The following VSNL1 variants were observed in gnomAD, a reference collection of about 807,000 sequenced individuals.
VSNL1 encodes visinin-like protein 1.
A neutral mutation model predicts 20.4 loss-of-function variants in VSNL1; 6 were observed. That is an observed-to-expected ratio of 0.29 (90% CI 0.16 to 0.58). The LOEUF is 0.58. Ranked by LOEUF, VSNL1 falls within the 20% of genes least tolerant of loss-of-function variation. The probability of loss-of-function intolerance (pLI) is 0.90; values close to 1 mark genes in which losing one functional copy is unlikely to be tolerated. For synonymous variants in VSNL1, 93 were observed against 86.4 expected, an observed-to-expected ratio of 1.08 and a Z score of -0.42; for missense variants, 100 against 234.5, an observed-to-expected ratio of 0.43 and a Z score of 3.75.
At position 17,618,294 on chromosome 2, in the gene VSNL1, A is replaced by G. The variant is rs185561612; in HGVS notation, c.162+26058A>G. On this transcript the variant is annotated intron_variant, in intron 2 of 3. Transcript: ENST00000295156. ...GGGTTTCTTTTGGAGGTTCTAGGAG[A>G]GAATCCATTCCCTTACCTTTCTCAC... 3.1e-3 allele frequency among the ~76,000 whole-genome samples: 475 copies of G among 152,266 alleles called. 1 individual carries two copies. Among genetic ancestry groups the G allele is most frequent in the Non-Finnish European group, 4.0e-3 (273 of 68,002 alleles).
intron 2 of VSNL1, among the ~76,000 whole-genome samples, chr2:17,633,620 C>T (rs962812629): frequency 6.6e-6 from 1 of 152,110 alleles, no homozygotes; most frequent in African/African-American, 2.4e-5. Context: ...ATTGAATATC[C>T]ATTGTGTTCC....
At chr2:17,545,731 A>G (rs1448322284) in intron 1 of VSNL1, among the ~76,000 whole-genome samples, 1 of 152,136 alleles carries the variant, frequency 6.6e-6, no homozygotes, top group Non-Finnish European at 1.5e-5. Flanking sequence ...GAAACTATTT[A>G]ATGAATGAAA....
At chr2:17,554,263 A>C (rs1401709) in intron 1 of VSNL1, among the ~76,000 whole-genome samples, 4,456 of 152,238 alleles carry the variant, frequency 0.029, 64 homozygotes, top group Middle Eastern at 0.054. Flanking sequence ...TGGAAACTCA[A>C]TGAGAGGTGA....
chr2:17,602,768 T>A (rs1404452742), intron 2 of VSNL1, among the ~76,000 whole-genome samples: 9 of 90,472 alleles, frequency 9.9e-5, no homozygotes, highest in Non-Finnish European at 1.7e-4. Context: ...TAAAATAAAA[T>A]AAAAAAATAA....
At chr2:17,611,519 T>C (rs1264328177) in intron 2 of VSNL1, among the ~76,000 whole-genome samples, 1 of 152,212 alleles carries the variant, frequency 6.6e-6, no homozygotes, top group Non-Finnish European at 1.5e-5. Flanking sequence ...GGTAGTGCAC[T>C]CACATATGAC....
intron 2 of VSNL1, among the ~76,000 whole-genome samples, chr2:17,635,694 T>C (rs1428615914): frequency 2.0e-5 from 3 of 152,176 alleles, no homozygotes; most frequent in African/African-American, 7.2e-5. Context: ...AGAATTACAT[T>C]AAAACAGGTA....
intron 2 of VSNL1, among the ~76,000 whole-genome samples, chr2:17,648,300 G>C (rs1666041646): frequency 6.6e-6 from 1 of 152,204 alleles, no homozygotes; most frequent in African/African-American, 2.4e-5. Flanking sequence ...GGGCAGCAGA[G>C]CTCTGCAGGA....
Position 17,655,454 on chromosome 2 carries a change from T to TTC in VSNL1, c.*61_*62dup, listed in dbSNP as rs1666209626. On this transcript the variant is annotated 3_prime_UTR_variant, in exon 4 of 4. Transcript: ENST00000295156. This position sits in a 1 kb window ranked among gnomAD's most constrained non-coding sequence, Gnocchi z 5.2. ...CAATGTTCCATTCAGTCTGCAGCTA[T>TTC]TCACACACACACACACACACACACA... 2 of 765,286 alleles carry TTC rather than the reference T, an allele frequency of 2.6e-6. No individual in the cohort carries two copies. Among genetic ancestry groups the TTC allele is most frequent in the Non-Finnish European group, 4.1e-6 (2 of 490,092 alleles). The allele number at this position is 765,286 out of a possible 1,614,324, so 47.4% of individuals were successfully genotyped here.
At chr2:17,555,158 G>T (rs905105671) in intron 1 of VSNL1, among the ~76,000 whole-genome samples, 3 of 152,152 alleles carry the variant, frequency 2.0e-5, no homozygotes, top group Admixed American at 6.5e-5. Context: ...TATGGCAGAG[G>T]CTTGGGCCCT....
intron 2 of VSNL1, among the ~76,000 whole-genome samples, chr2:17,600,038 T>C (rs1239140686): frequency 1.3e-5 from 2 of 152,188 alleles, no homozygotes; most frequent in Admixed American, 1.3e-4. Context: ...GTCTCTTCCC[T>C]CTGTGTTCCC....
At chr2:17,581,636 C>T (rs927247792) in intron 1 of VSNL1, among the ~76,000 whole-genome samples, 1 of 152,024 alleles carries the variant, frequency 6.6e-6, no homozygotes, top group African/African-American at 2.4e-5. Context: ...TATTCCTTAC[C>T]CAATCTCTCA....
At chr2:17,618,800 A>G (rs1412136015) in intron 2 of VSNL1, among the ~76,000 whole-genome samples, 1 of 152,212 alleles carries the variant, frequency 6.6e-6, no homozygotes. Flanking sequence ...ACATTTACAC[A>G]TGAAGAAATT....
In VSNL1 at chr2:17,649,773, C is replaced by G. The variant is rs1270436844; in HGVS notation, c.378+148C>G. On this transcript the variant is annotated intron_variant, in intron 3 of 3. Coordinates refer to ENST00000295156, the MANE Select transcript of VSNL1 (RefSeq NM_003385.5). The surrounding 1 kb of genome is among the most constrained non-coding windows in gnomAD (Gnocchi z 6.4). Reference sequence around the variant, plus strand: ...CCTGGACTTCTCCTGCTTCTGTCCCCGCTGCAGCACAGTGCTGGGGAGGTC... The same window carrying G: ...CCTGGACTTCTCCTGCTTCTGTCCCGGCTGCAGCACAGTGCTGGGGAGGTC... The G allele has an allele frequency of 2.6e-6, 2 of 779,502 alleles. No individual in the cohort carries two copies. Among genetic ancestry groups the G allele is most frequent in the Non-Finnish European group, 4.1e-6 (2 of 486,654 alleles). The allele number at this position is 779,502 out of a possible 1,614,324, so 48.3% of individuals were successfully genotyped here.
intron 3 of VSNL1, among the ~76,000 whole-genome samples, chr2:17,652,045 C>A (rs1666134006): frequency 2.0e-5 from 3 of 152,252 alleles, no homozygotes; most frequent in Non-Finnish European, 4.4e-5. Flanking sequence ...CAATTTGTGA[C>A]CATTTTGGGG....
intron 2 of VSNL1, among the ~76,000 whole-genome samples, chr2:17,642,234 G>A (rs1411979700): frequency 6.6e-6 from 1 of 151,024 alleles, no homozygotes; most frequent in Non-Finnish European, 1.5e-5. Context: ...AGAGCAGTAA[G>A]GATACAATGA....
At chr2:17,574,623 C>T (rs1401710262) in intron 1 of VSNL1, among the ~76,000 whole-genome samples, 1 of 152,232 alleles carries the variant, frequency 6.6e-6, no homozygotes, top group Non-Finnish European at 1.5e-5. Context: ...CCTTGCCAGT[C>T]ACTGGCTCCA....
chr2:17,638,190 A>G (rs1665798344), intron 2 of VSNL1, among the ~76,000 whole-genome samples: 2 of 152,076 alleles, frequency 1.3e-5, no homozygotes, highest in East Asian at 3.9e-4. Flanking sequence ...GCCACTAACT[A>G]AGTATGTGAC....
At position 17,592,247 on chromosome 2, in the gene VSNL1, T is replaced by C. The variant is rs1045433211; in HGVS notation, c.162+11T>C. On this transcript the variant is annotated intron_variant, in intron 2 of 3. Transcript: ENST00000295156. Reference sequence around the variant, plus strand: ...CAGCTCTATGTGAAGGTAAGTTGTTTTTCAACCTTGTTTTTATTCCTTAGG... The same window carrying C: ...CAGCTCTATGTGAAGGTAAGTTGTTCTTCAACCTTGTTTTTATTCCTTAGG... 5 of 1,612,994 alleles carry C rather than the reference T, an allele frequency of 3.1e-6. No individual in the cohort carries two copies. The highest frequency in any genetic ancestry group is 4.2e-6 in the Non-Finnish European group (5 of 1,179,308).
chr2:17,590,739 T>G (rs1162705115), intron 1 of VSNL1, among the ~76,000 whole-genome samples: 3 of 152,210 alleles, frequency 2.0e-5, no homozygotes, highest in Non-Finnish European at 4.4e-5. Context: ...CAATAAAGTA[T>G]GTGATGAGAT....
Sources: allele counts gnomAD v4.1 joint callset (sites outside exome capture counted in the v4.1 genomes callset), GRCh38; gene constraint gnomAD v4.1.1; non-coding constraint Gnocchi (gnomAD v3.1); transcripts MANE v1.5; gene names NCBI Gene and HGNC (gene_info 2026-07-23, HGNC 2026-07-21).